The following SMYD3 variants were observed in gnomAD, a reference collection of about 807,000 sequenced individuals.
SMYD3 encodes the protein SET and MYND domain containing 3.
SMYD3 carries 36 observed loss-of-function variants against 57.7 expected under a neutral mutation model. That is an observed-to-expected ratio of 0.62 (90% CI 0.48 to 0.82). SMYD3 has a LOEUF of 0.82. Ranked by LOEUF, SMYD3 falls within the 40% of genes least tolerant of loss-of-function variation. SMYD3 has a pLI of 0.00. For synonymous variants in SMYD3, 211 were observed against 195.0 expected (o/e 1.08, Z -0.68); for missense variants, 515 against 538.8 (o/e 0.96, Z 0.44).
chr1:245,900,917 T>A (rs930106503), intron 8 of SMYD3, among the ~76,000 whole-genome samples: 1 of 152,246 alleles, frequency 6.6e-6, no homozygotes, highest in Admixed American at 6.5e-5. Context: ...ATTTCTGTCA[T>A]TCTTGCCTGT....
chr1:245,848,998 A>C (rs2148446220), intron 10 of SMYD3, among the ~76,000 whole-genome samples: 1 of 152,302 alleles, frequency 6.6e-6, no homozygotes, highest in Non-Finnish European at 1.5e-5. Flanking sequence ...AAAACATTAG[A>C]GTTCAGGAAG....
At chr1:245,814,903 C>CT (rs2048716750) in intron 10 of SMYD3, among the ~76,000 whole-genome samples, 2 of 151,896 alleles carry the variant, frequency 1.3e-5, no homozygotes. Flanking sequence ...CACACACACA[C>CT]TCTATCTTCA....
chr1:245,861,665 T>C (rs1304337567), intron 9 of SMYD3, among the ~76,000 whole-genome samples: 1 of 152,224 alleles, frequency 6.6e-6, no homozygotes, highest in African/African-American at 2.4e-5. Context: ...TTGTGTTGGA[T>C]GCCTCTTCTC....
intron 5 of SMYD3, among the ~76,000 whole-genome samples, chr1:246,157,958 T>A (rs2062049004): frequency 6.6e-6 from 1 of 152,210 alleles, no homozygotes; most frequent in East Asian, 1.9e-4. Flanking sequence ...ATTATTCTAA[T>A]TAATGGGCTT....
At chr1:245,932,722 C>T (rs1441392058) in intron 5 of SMYD3, among the ~76,000 whole-genome samples, 1 of 152,144 alleles carries the variant, frequency 6.6e-6, no homozygotes, top group African/African-American at 2.4e-5. Context: ...CCACCTCTGA[C>T]TAATTTTTTA....
intron 5 of SMYD3, among the ~76,000 whole-genome samples, chr1:246,103,609 C>G (rs7528667): frequency 0.016 from 2,477 of 152,232 alleles, 72 homozygotes; most frequent in African/African-American, 0.057. Flanking sequence ...ACTGTTTTGA[C>G]AACCTCTTAA....
intron 5 of SMYD3, among the ~76,000 whole-genome samples, chr1:246,097,017 T>G (rs1039473766): frequency 1.3e-5 from 2 of 152,204 alleles, no homozygotes; most frequent in Non-Finnish European, 2.9e-5. Flanking sequence ...AACATAGACA[T>G]GCAATTTACA....
intron 7 of SMYD3, among the ~76,000 whole-genome samples, chr1:245,926,563 T>A (rs2056388244): frequency 6.6e-6 from 1 of 152,110 alleles, no homozygotes; most frequent in South Asian, 2.1e-4. Context: ...AAGAGAAAGA[T>A]GTGAAAAAGT....
intron 5 of SMYD3, among the ~76,000 whole-genome samples, chr1:246,049,338 C>T (rs2060023856): frequency 2.0e-5 from 3 of 152,012 alleles, no homozygotes; most frequent in African/African-American, 7.3e-5. Context: ...GCTCTGTCGC[C>T]CAGGCTGGAG....
At chr1:246,081,145 C>T (rs1017156564) in intron 5 of SMYD3, among the ~76,000 whole-genome samples, 3 of 152,154 alleles carry the variant, frequency 2.0e-5, no homozygotes, top group African/African-American at 4.8e-5. Context: ...ATTTACATAG[C>T]GTCCATTGAT....
chr1:245,838,059 CATTTT>C (rs140830018), intron 10 of SMYD3, among the ~76,000 whole-genome samples: 4,265 of 152,270 alleles, frequency 0.028, 182 homozygotes, highest in African/African-American at 0.097. Context: ...TTAGGTCCTA[CATTTT>C]ATTTTAAGGC....
intron 10 of SMYD3, among the ~76,000 whole-genome samples, chr1:245,829,118 C>CG (rs1553336260): frequency 7.1e-6 from 1 of 140,116 alleles, no homozygotes; most frequent in African/African-American, 2.7e-5. Flanking sequence ...AAGACAATCA[C>CG]TTTTTTTTTT....
intron 2 of SMYD3, among the ~76,000 whole-genome samples, chr1:246,348,436 A>G (rs1181082846): frequency 6.6e-6 from 1 of 152,036 alleles, no homozygotes; most frequent in East Asian, 1.9e-4. Flanking sequence ...ATATATATAT[A>G]TATGTCTTTT....
chr1:246,456,255 C>A (rs1174748323), intron 1 of SMYD3, among the ~76,000 whole-genome samples: 1 of 152,170 alleles, frequency 6.6e-6, no homozygotes, highest in Non-Finnish European at 1.5e-5. Flanking sequence ...GATTGTCAAC[C>A]CTGGCTTCAC....
intron 5 of SMYD3, among the ~76,000 whole-genome samples, chr1:246,110,426 G>A (rs964898851): frequency 6.6e-6 from 1 of 152,222 alleles, no homozygotes; most frequent in African/African-American, 2.4e-5. Context: ...AGGGGGCTAC[G>A]GGTAGGTGAA....
At chr1:245,914,413 T>C (rs919888837) in intron 8 of SMYD3, among the ~76,000 whole-genome samples, 3 of 152,224 alleles carry the variant, frequency 2.0e-5, no homozygotes, top group South Asian at 2.1e-4. Context: ...AAATGTGGCA[T>C]ACATACACAA....
At chr1:246,403,588 C>T (rs2066810577) in intron 1 of SMYD3, among the ~76,000 whole-genome samples, 1 of 152,122 alleles carries the variant, frequency 6.6e-6, no homozygotes, top group South Asian at 2.1e-4. Context: ...ATCCTTGCTG[C>T]CTTCTAACAG....
intron 5 of SMYD3, among the ~76,000 whole-genome samples, chr1:246,087,668 C>T (rs961591933): frequency 1.3e-5 from 2 of 152,202 alleles, no homozygotes; most frequent in African/African-American, 2.4e-5. Flanking sequence ...CGTGCAATAA[C>T]GGCATGACTG....
chr1:246,274,117 T>C (rs2064284149), intron 5 of SMYD3, among the ~76,000 whole-genome samples: 1 of 152,194 alleles, frequency 6.6e-6, no homozygotes, highest in Non-Finnish European at 1.5e-5. Context: ...ATCCTGTGTA[T>C]TCGAGTCAAA....
Sources: gnomAD v4.1 joint callset for allele counts (sites outside exome capture counted in the v4.1 genomes callset) on GRCh38, gnomAD v4.1.1 for gene constraint, MANE v1.5 for transcripts, NCBI Gene and HGNC (gene_info 2026-07-23, HGNC 2026-07-21) for gene names.